The following VGLL1 variants were observed in gnomAD, a reference collection of about 807,000 sequenced individuals.
VGLL1 encodes vestigial like family member 1.
In VGLL1, 4 loss-of-function variants were observed where a neutral mutation model predicts 12.0. The ratio of observed to expected loss-of-function variants is 0.33; its 90% CI spans 0.16 to 0.76. The LOEUF is 0.76. VGLL1 is among the 30% of genes least tolerant of loss of function. The pLI is 0.60. For synonymous variants in VGLL1, 87 were observed against 81.2 expected (o/e 1.07, Z -0.39); for missense variants, 204 against 208.7 (o/e 0.98, Z 0.14).
intron 2 of VGLL1, among the ~76,000 whole-genome samples, chrX:136,537,916 C>T (rs1307119877): frequency 9.1e-6 from 1 of 110,206 alleles, no homozygotes; most frequent in Non-Finnish European, 1.9e-5. Flanking sequence ...GGCAGGAACA[C>T]CAAAGCATCT....
At chrX:136,547,024 G>T (rs2075871375) in intron 2 of VGLL1, among the ~76,000 whole-genome samples, 1 of 112,986 alleles carries the variant, frequency 8.9e-6, no homozygotes, top group African/African-American at 3.2e-5. Flanking sequence ...CACACTGAGT[G>T]ACGGCACTCC....
intron 4 of VGLL1, 52 bp downstream of exon 4, chrX:136,550,873 A>G (rs746650328): frequency 3.2e-5 from 35 of 1,099,628 alleles, no homozygotes; most frequent in Non-Finnish European, 4.3e-5. Context: ...CTGAGAACGA[A>G]CTTGAGAAAT....
At chrX:136,556,322 T>A in intron 4 of VGLL1, 129 bp from the exon 5 acceptor site, 1 of 450,293 alleles carries the variant, frequency 2.2e-6, no homozygotes. Context: ...GTTTCTGTCT[T>A]CCCTTCCTCT....
At chrX:136,545,966 G>A (rs558520826) in intron 2 of VGLL1, among the ~76,000 whole-genome samples, 2 of 111,521 alleles carry the variant, frequency 1.8e-5, no homozygotes, top group East Asian at 5.6e-4. Context: ...GGGATGAATG[G>A]GACTAAGAGG....
Position 136,548,892 on chromosome X carries a change from A to G in VGLL1, c.518A>G (p.Gln173Arg), listed in dbSNP as rs1051037843. 3 of 1,210,622 alleles carry G rather than the reference A, an allele frequency of 2.5e-6. No homozygotes were observed. The highest frequency in any genetic ancestry group is 2.2e-6 in the Non-Finnish European group (2 of 895,351). The change falls in exon 3 of 5, where the codon CAG becomes CGG. Residue 173 changes from glutamine to arginine, a missense_variant. Physicochemically the swap from Gln to Arg is conservative, Grantham distance 43. Transcript: ENST00000370634. Reference sequence around the variant, plus strand: ...CGTGAGCCTCTCCTAAGTCTCCTCCAGCAAGACAGATGCCTAGCCCGTCCT... The same window carrying G: ...CGTGAGCCTCTCCTAAGTCTCCTCCGGCAAGACAGATGCCTAGCCCGTCCT... ...GKREPLLSLL[Q>R]QDRCLARPQE...
At chrX:136,555,472 T>C (rs1434460360) in intron 4 of VGLL1, among the ~76,000 whole-genome samples, 3 of 111,056 alleles carry the variant, frequency 2.7e-5, no homozygotes, top group Non-Finnish European at 5.7e-5. Context: ...AAGAGGCAAA[T>C]ATTAGAGCCT....
chrX:136,555,239 C>A (rs748440096), intron 4 of VGLL1, among the ~76,000 whole-genome samples: 68 of 111,976 alleles, frequency 6.1e-4, no homozygotes, highest in African/African-American at 2.1e-3. Flanking sequence ...GAAGAAATTC[C>A]TATTGGATGT....
intron 4 of VGLL1, among the ~76,000 whole-genome samples, chrX:136,554,436 A>C (rs2075895856): frequency 9.0e-6 from 1 of 110,775 alleles, no homozygotes; most frequent in African/African-American, 3.3e-5. Context: ...AGTGTGGTAC[A>C]AGAGAAGTCT....
chrX:136,538,615 C>T (rs926825395), intron 2 of VGLL1, among the ~76,000 whole-genome samples: 1 of 112,544 alleles, frequency 8.9e-6, no homozygotes, highest in Non-Finnish European at 1.9e-5. Flanking sequence ...TACGTACCTC[C>T]AAGTAGGGGC....
Position 136,556,597 on chromosome X carries a change from C to T in VGLL1, c.*58C>T, listed in dbSNP as rs1038704446. 5.7e-6 allele frequency: 6 copies of T among 1,057,571 alleles called. No individual in the cohort carries two copies. The African/African-American group carries it at 9.3e-5, about 16-fold the overall frequency. The allele number at this position is 1,057,571 out of a possible 1,213,427, so 87.2% of individuals were successfully genotyped here. ...AAGACACGGCAGCAAGACATCCCTG[C>T]ATATTGTTCCAGATAAAAATGAAAG... On this transcript the variant is annotated 3_prime_UTR_variant, in exon 5 of 5. Transcript: ENST00000370634.
At chrX:136,547,033 C>G (rs1318405499) in intron 2 of VGLL1, among the ~76,000 whole-genome samples, 1 of 112,818 alleles carries the variant, frequency 8.9e-6, no homozygotes, top group Non-Finnish European at 1.9e-5. Context: ...TGACGGCACT[C>G]CAGTAACACT....
intron 2 of VGLL1, among the ~76,000 whole-genome samples, chrX:136,539,725 G>A (rs758609502): frequency 9.0e-6 from 1 of 111,689 alleles, no homozygotes; most frequent in Non-Finnish European, 1.9e-5. Context: ...TATATGTTGA[G>A]CAATTCCAAA....
At chrX:136,551,919 A>G (rs953688104) in intron 4 of VGLL1, among the ~76,000 whole-genome samples, 1 of 110,796 alleles carries the variant, frequency 9.0e-6, no homozygotes, top group Non-Finnish European at 1.9e-5. Flanking sequence ...TCATCTCCAT[A>G]AAAAATAAAA....
chrX:136,535,418 A>G (rs1353927435), intron 1 of VGLL1, among the ~76,000 whole-genome samples: 2 of 111,913 alleles, frequency 1.8e-5, no homozygotes, highest in African/African-American at 6.5e-5. Flanking sequence ...TGTAATTGCT[A>G]GTTTCTAAGA....
rs748339824 is a variant in VGLL1, at chrX:136,532,599, TTC to T, written c.-26+305_-26+306del. Among the ~76,000 whole-genome samples, 80 of 81,008 alleles carry T rather than the reference TTC, an allele frequency of 9.9e-4. 1 individual carries two copies. Among genetic ancestry groups the T allele is most frequent in the African/African-American group, 3.4e-3 (73 of 21,733 alleles). 70.3% of individuals were successfully genotyped at this position (81,008 alleles called of 115,157 possible). A position where few individuals can be genotyped will look rare whatever the true frequency, so the allele number is the denominator to read the frequency against. On this transcript the variant is annotated intron_variant, in intron 1 of 4. Transcript: ENST00000370634. ...TTTCTTTCTTTCTTTCTTTCTTTCT[TTC>T]TTTCTTTCTTTCTTTCTTTCTTTCT... is the stretch of plus-strand genomic sequence containing the variant.
chrX:136,532,462 C>T (rs186196278), intron 1 of VGLL1, among the ~76,000 whole-genome samples, 166 bp downstream of exon 1: 2 of 111,774 alleles, frequency 1.8e-5, no homozygotes, highest in East Asian at 5.6e-4. Context: ...ACTTCCCACC[C>T]TACCCCAGAC....
chrX:136,548,671 C>G lies in VGLL1; in HGVS notation c.297C>G (p.Ala99=). 2 of 1,212,031 alleles carry G rather than the reference C, an allele frequency of 1.7e-6. No homozygotes were observed. Among genetic ancestry groups the G allele is most frequent in the Non-Finnish European group, 2.2e-6 (2 of 895,587 alleles). The part of the protein sequence containing the change: ...PQPEVPVTNR[A]ANCNLHVPGP... ...CAGAAGTACCTGTCACAAACCGTGCCGCCAACTGCAACTTGCATGTGCCTG... is the reference window on the plus strand; with the variant it reads ...CAGAAGTACCTGTCACAAACCGTGCGGCCAACTGCAACTTGCATGTGCCTG... The change falls in exon 3 of 5, where the codon GCC becomes GCG. Residue 99 remains alanine (A), a synonymous_variant. Transcript: ENST00000370634.
At chrX:136,554,126 C>A (rs1345441317) in intron 4 of VGLL1, among the ~76,000 whole-genome samples, 1 of 111,511 alleles carries the variant, frequency 9.0e-6, no homozygotes, top group Non-Finnish European at 1.9e-5. Flanking sequence ...GACATGCCCA[C>A]CCCCAAAGGG....
chrX:136,547,667 C>G (rs756029030), intron 2 of VGLL1, among the ~76,000 whole-genome samples: 30 of 111,692 alleles, frequency 2.7e-4, no homozygotes, highest in African/African-American at 9.8e-4. Context: ...GTGTTAAGCC[C>G]TTTTTAAAGT....
Sources: gnomAD v4.1 joint callset for allele counts (sites outside exome capture counted in the v4.1 genomes callset) on GRCh38, gnomAD v4.1.1 for gene constraint, MANE v1.5 for transcripts, NCBI Gene and HGNC (gene_info 2026-07-23, HGNC 2026-07-21) for gene names.